Variants in MAN1A2 observed in about 807,000 individuals in gnomAD.
The protein encoded by MAN1A2 is mannosyl-oligosaccharide 1,2-alpha-mannosidase IB.
A neutral mutation model predicts 75.7 loss-of-function variants in MAN1A2; 26 were observed. The observed-to-expected ratio is 0.34, with a 90% CI of 0.25 to 0.48. The LOEUF (loss-of-function observed/expected upper bound fraction) is 0.48. Among genes scored for constraint, MAN1A2 ranks in the 20% least tolerant of loss-of-function variants. The probability of loss-of-function intolerance (pLI) is 0.99; values close to 1 mark genes in which losing one functional copy is unlikely to be tolerated. For missense variants in MAN1A2, 562 were observed against 775.5 expected (o/e 0.72, Z 3.27); for synonymous variants, 247 against 264.6 (o/e 0.93, Z 0.65).
intron 11 of MAN1A2, among the ~76,000 whole-genome samples, chr1:117,501,327 G>C (rs149621979): frequency 2.2e-3 from 334 of 151,886 alleles, no homozygotes; most frequent in South Asian, 0.011. Flanking sequence ...GATGAGAAGA[G>C]GGAGGAATGG....
intron 8 of MAN1A2, 112 bp downstream of exon 8, chr1:117,466,539 C>T (rs1461238564): frequency 1.5e-5 from 9 of 611,812 alleles, no homozygotes; most frequent in Admixed American, 7.1e-5. Flanking sequence ...CAGTGTCTAA[C>T]CTTGTGGTCT....
intron 9 of MAN1A2, 24 bp downstream of exon 9, chr1:117,493,286 C>G (rs760916356): frequency 7.0e-7 from 1 of 1,425,174 alleles, no homozygotes; most frequent in South Asian, 1.1e-5. Context: ...GAACATTTTT[C>G]TACTTAATGG....
intron 8 of MAN1A2, among the ~76,000 whole-genome samples, chr1:117,482,348 TTCCTGTTTTTCCACA>T (rs1650524873): frequency 6.6e-6 from 1 of 152,010 alleles, no homozygotes; most frequent in African/African-American, 2.4e-5. Context: ...TGTAAAAGTG[TTCCTGTTTTTCCACA>T]TCCTCCACAG....
chr1:117,509,339 A>T (rs1295983241), intron 12 of MAN1A2, among the ~76,000 whole-genome samples: 1 of 151,938 alleles, frequency 6.6e-6, no homozygotes, highest in Non-Finnish European at 1.5e-5. Context: ...TGTTTTATTT[A>T]CTTTCACACT....
chr1:117,472,890 G>C (rs949383775), intron 8 of MAN1A2, among the ~76,000 whole-genome samples: 1 of 151,880 alleles, frequency 6.6e-6, no homozygotes, highest in Non-Finnish European at 1.5e-5. Flanking sequence ...TCAAGACAGT[G>C]CTTCCAGTGT....
At chr1:117,371,840 A>G (rs1652974058) in intron 1 of MAN1A2, among the ~76,000 whole-genome samples, 1 of 150,258 alleles carries the variant, frequency 6.7e-6, no homozygotes, top group Non-Finnish European at 1.5e-5. Flanking sequence ...TTGAAAAATT[A>G]GAGGTTATGG....
chr1:117,422,649 T>A (rs1464739051), intron 5 of MAN1A2, among the ~76,000 whole-genome samples: 1 of 152,150 alleles, frequency 6.6e-6, no homozygotes, highest in African/African-American at 2.4e-5. Context: ...TTGTGGTGGT[T>A]CTATTTTGCA....
chr1:117,373,021 C>CGAGT (rs987693254), intron 1 of MAN1A2, among the ~76,000 whole-genome samples: 1 of 152,186 alleles, frequency 6.6e-6, no homozygotes, highest in African/African-American at 2.4e-5. Flanking sequence ...TAGACGTAAT[C>CGAGT]ACTCAAACCT....
At chr1:117,434,686 G>A (rs1023152858) in intron 5 of MAN1A2, among the ~76,000 whole-genome samples, 1 of 150,940 alleles carries the variant, frequency 6.6e-6, no homozygotes, top group African/African-American at 2.4e-5. Context: ...TTTTAACGAG[G>A]AAAAATGTGC....
At chr1:117,498,774 A>G (rs937769594) in intron 10 of MAN1A2, among the ~76,000 whole-genome samples, 4 of 151,848 alleles carry the variant, frequency 2.6e-5, no homozygotes, top group Admixed American at 2.6e-4. Context: ...TAGTTTTGCT[A>G]ACTTTCCAGC....
chr1:117,421,629 T>C (rs754451290), intron 5 of MAN1A2, among the ~76,000 whole-genome samples: 22 of 151,916 alleles, frequency 1.4e-4, no homozygotes, highest in Non-Finnish European at 2.5e-4. Context: ...GTACTACCTT[T>C]TTTTTTTAGA....
chr1:117,372,662 TTATAA>T (rs1370242427), intron 1 of MAN1A2, among the ~76,000 whole-genome samples: 2 of 152,236 alleles, frequency 1.3e-5, no homozygotes, highest in African/African-American at 4.8e-5. Flanking sequence ...CCAGAAGTTG[TTATAA>T]TATACATGTT....
At chr1:117,517,621 T>C (rs1386434527) in intron 12 of MAN1A2, among the ~76,000 whole-genome samples, 1 of 152,028 alleles carries the variant, frequency 6.6e-6, no homozygotes, top group Non-Finnish European at 1.5e-5. Flanking sequence ...CTTATAAAAA[T>C]AGAAAGTTGT....
At position 117,429,486 on chromosome 1, in the gene MAN1A2, A is replaced by ACC. The variant is rs1314215321; in HGVS notation, c.855+8838_855+8839insCC. 5.8e-4 allele frequency among the ~76,000 whole-genome samples: 25 copies of ACC among 42,796 alleles called. 2 individuals are homozygous for ACC. The highest frequency in any genetic ancestry group is 1.9e-3 in the African/African-American group (20 of 10,272). The allele number at this position is 42,796 out of a possible 152,430, so 28.1% of individuals were successfully genotyped here. A position where few individuals can be genotyped will look rare whatever the true frequency, so the allele number is the denominator to read the frequency against. On this transcript the variant is annotated intron_variant, in intron 5 of 12. Transcript: ENST00000356554. ...GGGCGGCTGGCCGGGCGGGGGGCCG[A>ACC]CACCCCCACCTCCCTCCCGGACGGG...
chr1:117,445,868 G>GTATATATATATATATA (rs1256464203), intron 6 of MAN1A2, among the ~76,000 whole-genome samples: 1 of 94,208 alleles, frequency 1.1e-5, no homozygotes, highest in South Asian at 3.0e-4. Flanking sequence ...GTATGTGTGT[G>GTATATATATATATATA]TGTGTCTGTG....
At chr1:117,476,286 A>G (rs960084898) in intron 8 of MAN1A2, among the ~76,000 whole-genome samples, 1 of 151,704 alleles carries the variant, frequency 6.6e-6, no homozygotes, top group African/African-American at 2.4e-5. Context: ...GATTGCAAAA[A>G]TTTTCTCCCA....
At chr1:117,488,795 A>G (rs1284750956) in intron 8 of MAN1A2, among the ~76,000 whole-genome samples, 2 of 152,106 alleles carry the variant, frequency 1.3e-5, no homozygotes, top group Non-Finnish European at 2.9e-5. Flanking sequence ...AAGGTGAATG[A>G]TAGCTCTTTT....
chr1:117,398,474 G>A (rs1647291175), intron 1 of MAN1A2, among the ~76,000 whole-genome samples: 1 of 152,128 alleles, frequency 6.6e-6, no homozygotes, highest in Admixed American at 6.5e-5. Flanking sequence ...AGGAGTTCAT[G>A]ACCAGCCTGG....
At chr1:117,449,639 C>T (rs1649343992) in intron 6 of MAN1A2, among the ~76,000 whole-genome samples, 2 of 151,954 alleles carry the variant, frequency 1.3e-5, no homozygotes, top group South Asian at 4.2e-4. Flanking sequence ...AAAGCTAGGC[C>T]TCTTGTGCCA....
Sources: allele counts gnomAD v4.1 joint callset (sites outside exome capture counted in the v4.1 genomes callset), GRCh38; gene constraint gnomAD v4.1.1; transcripts MANE v1.5; gene names NCBI Gene and HGNC (gene_info 2026-07-23, HGNC 2026-07-21).